The following RNLS variants were observed in gnomAD, a reference collection of about 807,000 sequenced individuals.
RNLS encodes renalase, FAD dependent amine oxidase.
A neutral mutation model predicts 39.8 loss-of-function variants in RNLS; 39 were observed. The ratio of observed to expected loss-of-function variants is 0.98; its 90% CI spans 0.76 to 1.28. The LOEUF (loss-of-function observed/expected upper bound fraction) is 1.28. Among genes scored for constraint, RNLS ranks in the 50% most tolerant of loss-of-function variants. RNLS has a pLI of 0.00. For missense variants in RNLS, 410 were observed against 413.3 expected, an observed-to-expected ratio of 0.99 and a Z score of 0.07; for synonymous variants, 147 against 150.7, an observed-to-expected ratio of 0.98 and a Z score of 0.18.
At chr10:88,209,244 G>A in the RNLS span, among the ~76,000 whole-genome samples, 1 of 152,086 alleles carries the variant, frequency 6.6e-6, no homozygotes. Context: ...CAGAACCTGT[G>A]AATGTGATCT....
chr10:88,317,213 C>A (rs191790359), intron 5 of RNLS, among the ~76,000 whole-genome samples: 4 of 152,160 alleles, frequency 2.6e-5, no homozygotes. Flanking sequence ...AGTATTTGAA[C>A]CTCTGCATCC....
At chr10:88,474,599 C>T (rs1428617956) in intron 4 of RNLS, among the ~76,000 whole-genome samples, 1 of 152,082 alleles carries the variant, frequency 6.6e-6, no homozygotes, top group Non-Finnish European at 1.5e-5. Context: ...GAACATTTTC[C>T]TGGCACTTTT....
chr10:88,516,481 T>C (rs1344432481), intron 4 of RNLS, among the ~76,000 whole-genome samples: 1 of 152,038 alleles, frequency 6.6e-6, no homozygotes, highest in Non-Finnish European at 1.5e-5. Flanking sequence ...AATTAAGTCA[T>C]AAACTACAAT....
chr10:88,305,729 G>A (rs978126534), intron 6 of RNLS, among the ~76,000 whole-genome samples: 1 of 152,114 alleles, frequency 6.6e-6, no homozygotes, highest in African/African-American at 2.4e-5. Flanking sequence ...CAATAATAGT[G>A]GGGATCTTTA....
chr10:88,278,635 T>A (rs921056194), intron 6 of RNLS, among the ~76,000 whole-genome samples: 1 of 152,088 alleles, frequency 6.6e-6, no homozygotes, highest in African/African-American at 2.4e-5. Context: ...ACCAACTACA[T>A]AGAGATGGCC....
chr10:88,519,768 C>T (rs973884453), intron 4 of RNLS, among the ~76,000 whole-genome samples: 6 of 144,520 alleles, frequency 4.2e-5, no homozygotes, highest in African/African-American at 1.3e-4. Context: ...ATAGATGATA[C>T]CTGACATTTT....
chr10:88,325,102 G>A (rs775025350), intron 5 of RNLS, among the ~76,000 whole-genome samples: 7 of 152,158 alleles, frequency 4.6e-5, no homozygotes, highest in Non-Finnish European at 1.0e-4. Context: ...ATGCTGCTAT[G>A]AACATTGCTG....
chr10:88,327,225 A>G (rs1252401658), intron 5 of RNLS, among the ~76,000 whole-genome samples: 2 of 152,078 alleles, frequency 1.3e-5, no homozygotes, highest in African/African-American at 4.8e-5. Context: ...AAATGTGAGG[A>G]CATGAGATTT....
At chr10:88,558,184 G>C (rs1271254131) in intron 4 of RNLS, among the ~76,000 whole-genome samples, 1 of 152,086 alleles carries the variant, frequency 6.6e-6, no homozygotes, top group Non-Finnish European at 1.5e-5. Context: ...AAATTGCTAG[G>C]AGAGGGGCAA....
At chr10:88,507,645 G>A (rs1845867299) in intron 4 of RNLS, among the ~76,000 whole-genome samples, 1 of 151,996 alleles carries the variant, frequency 6.6e-6, no homozygotes, top group Non-Finnish European at 1.5e-5. Context: ...ATTCACAAAG[G>A]ATTACCACTA....
At chr10:88,452,321 T>C (rs533874464) in intron 4 of RNLS, among the ~76,000 whole-genome samples, 2 of 152,308 alleles carry the variant, frequency 1.3e-5, no homozygotes, top group South Asian at 4.2e-4. Flanking sequence ...CTAGTACACT[T>C]TGAAGGCACA....
At chr10:88,435,269 C>G (rs1299021651) in intron 4 of RNLS, among the ~76,000 whole-genome samples, 1 of 151,864 alleles carries the variant, frequency 6.6e-6, no homozygotes, top group Non-Finnish European at 1.5e-5. Context: ...AAGGCACCTC[C>G]AAACCTAGAG....
chr10:88,240,372 G>A, the RNLS span, among the ~76,000 whole-genome samples: 1 of 149,896 alleles, frequency 6.7e-6, no homozygotes, highest in African/African-American at 2.5e-5. Flanking sequence ...TTTTCCTCTT[G>A]ATATTAATTG....
intron 4 of RNLS, among the ~76,000 whole-genome samples, chr10:88,423,071 C>A (rs1016326687): frequency 1.3e-5 from 2 of 152,122 alleles, no homozygotes; most frequent in African/African-American, 4.8e-5. Context: ...ATAAAGAAAA[C>A]ACTTTTCGAA....
chr10:88,234,243 C>T, the RNLS span, among the ~76,000 whole-genome samples: 5 of 151,882 alleles, frequency 3.3e-5, no homozygotes, highest in East Asian at 9.7e-4. Flanking sequence ...TTTCCCTCAT[C>T]GCAATGCTCC....
At chr10:88,445,293 T>C (rs1841967871) in intron 4 of RNLS, among the ~76,000 whole-genome samples, 1 of 152,198 alleles carries the variant, frequency 6.6e-6, no homozygotes, top group South Asian at 2.1e-4. Context: ...CCACCAGGCC[T>C]GCCCTACAAG....
chr10:88,407,277 T>A (rs1208352415), intron 4 of RNLS, among the ~76,000 whole-genome samples: 1 of 151,996 alleles, frequency 6.6e-6, no homozygotes, highest in African/African-American at 2.4e-5. Context: ...GAAAAGAACA[T>A]AATATCTATC....
At chr10:88,521,481 T>A (rs1256911889) in intron 4 of RNLS, among the ~76,000 whole-genome samples, 1 of 151,974 alleles carries the variant, frequency 6.6e-6, no homozygotes, top group Admixed American at 6.6e-5. Flanking sequence ...TAATGGGCAA[T>A]ATGAATTAAT....
the RNLS span, among the ~76,000 whole-genome samples, chr10:88,201,914 C>A: frequency 6.6e-6 from 1 of 152,026 alleles, no homozygotes; most frequent in Non-Finnish European, 1.5e-5. Flanking sequence ...ATTTTTTGAT[C>A]TTCCAATTTC....
Sources: gnomAD v4.1 joint callset for allele counts (sites outside exome capture counted in the v4.1 genomes callset) on GRCh38, gnomAD v4.1.1 for gene constraint, MANE v1.5 for transcripts, NCBI Gene and HGNC (gene_info 2026-07-23, HGNC 2026-07-21) for gene names.